ARL10: variants seen among roughly 807,000 people sequenced by gnomAD.
ARL10 encodes the protein ADP-ribosylation factor-like protein 10.
A neutral mutation model predicts 26.1 loss-of-function variants in ARL10; 23 were observed. That is an observed-to-expected ratio of 0.88 (90% CI 0.63 to 1.25). The LOEUF (loss-of-function observed/expected upper bound fraction) is 1.25. ARL10 is among the 50% of genes most tolerant of loss of function. ARL10 has a pLI of 0.00. For missense variants in ARL10, 300 were observed against 323.6 expected, an observed-to-expected ratio of 0.93 and a Z score of 0.56; for synonymous variants, 138 against 149.1, an observed-to-expected ratio of 0.93 and a Z score of 0.54.
downstream of ARL10, among the ~76,000 whole-genome samples, chr5:176,391,079 C>A (rs764454719): frequency 8.5e-5 from 13 of 152,162 alleles, no homozygotes; most frequent in Non-Finnish European, 1.6e-4. Context: ...AAGACACACC[C>A]CTTCTTGAAC....
chr5:176,388,792 G>C (rs1476852136), downstream of ARL10: 2 of 1,605,152 alleles, frequency 1.2e-6, no homozygotes, highest in Non-Finnish European at 1.7e-6. Context: ...TCGGAGTCCC[G>C]ATTTTCTCCT....
downstream of ARL10, chr5:176,384,021 C>G (rs1014924102): frequency 6.5e-7 from 1 of 1,539,080 alleles, no homozygotes; most frequent in East Asian, 2.4e-5. Context: ...CTGGCTTTTC[C>G]GTGAACCCCC....
chr5:176,388,937 G>T (rs1162590497), downstream of ARL10: 10 of 1,614,056 alleles, frequency 6.2e-6, no homozygotes, highest in African/African-American at 1.3e-5. Flanking sequence ...GGAAAAGTTC[G>T]TTCGCAAGAC....
chr5:176,399,595 T>C (rs1166097368), intron 1 of ARL10, among the ~76,000 whole-genome samples: 2 of 151,992 alleles, frequency 1.3e-5, no homozygotes, highest in Non-Finnish European at 2.9e-5. Flanking sequence ...AAAAGTTTTT[T>C]TAATTATGGA....
intron 1 of ARL10, chr5:176,398,062 C>T (rs761946990): frequency 5.6e-6 from 9 of 1,610,330 alleles, no homozygotes; most frequent in East Asian, 2.2e-5. Context: ...AACACAAACA[C>T]GCAGCAGTCT....
At chr5:176,396,128 TC>T (rs1443180161) in intron 1 of ARL10, among the ~76,000 whole-genome samples, 1 of 151,922 alleles carries the variant, frequency 6.6e-6, no homozygotes, top group South Asian at 2.1e-4. Context: ...AGAGCGAAAC[TC>T]CATCTCAAAA....
chr5:176,400,546 G>T (rs1487167114), intron 1 of ARL10, among the ~76,000 whole-genome samples: 1 of 152,152 alleles, frequency 6.6e-6, no homozygotes, highest in Non-Finnish European at 1.5e-5. Flanking sequence ...CAAGGGTGTG[G>T]CACCCTCTGG....
chr5:176,383,831 G>A (rs1430495420), downstream of ARL10: 1 of 705,516 alleles, frequency 1.4e-6, no homozygotes, highest in South Asian at 1.9e-5. Flanking sequence ...AAGAGCAAGT[G>A]AACGTAGCAC....
rs576167997 is a variant in ARL10, at chr5:176,380,249, T to C, written c.*8354T>C. 7 of 152,340 alleles carry C rather than the reference T, an allele frequency of 4.6e-5. No individual in the cohort carries two copies. Among genetic ancestry groups the C allele is most frequent in the African/African-American group, 1.7e-4 (7 of 41,574 alleles). 9.4% of individuals were successfully genotyped at this position (152,340 alleles called of 1,614,324 possible). ...TCATTTGCGTTTTGTAAAGAATCTT[T>C]TAGGCAATTTTAGATTTGTATAATC... On this transcript the variant is annotated 3_prime_UTR_variant, in exon 4 of 4. Coordinates refer to ENST00000310389, the MANE Select transcript of ARL10 (RefSeq NM_173664.6).
chr5:176,386,390 G>T (rs1182850663), downstream of ARL10: 1 of 221,214 alleles, frequency 4.5e-6, no homozygotes, highest in African/African-American at 2.3e-5. Context: ...GATGAATGAA[G>T]AATTCTAGAG....
intron 3 of ARL10, chr5:176,369,188 G>GA (rs1489402353): frequency 1.3e-6 from 2 of 1,527,448 alleles, no homozygotes; most frequent in African/African-American, 2.7e-5. Context: ...GGAGAGATGA[G>GA]AAAAATAATT....
downstream of ARL10, among the ~76,000 whole-genome samples, chr5:176,383,631 C>A (rs1755609130): frequency 6.6e-6 from 1 of 152,272 alleles, no homozygotes; most frequent in Admixed American, 6.5e-5. Context: ...TTACCCTCTG[C>A]CAGTCAAGCC....
chr5:176,370,884 T>G (rs1768507882), intron 3 of ARL10, among the ~76,000 whole-genome samples: 1 of 152,152 alleles, frequency 6.6e-6, no homozygotes. Context: ...CTGTATCATC[T>G]CTCCATGACT....
At chr5:176,387,450 G>A (rs1561783974) in intron 1 of ARL10, among the ~76,000 whole-genome samples, 1 of 152,206 alleles carries the variant, frequency 6.6e-6, no homozygotes, top group African/African-American at 2.4e-5. Flanking sequence ...AATGGGCTTC[G>A]CGAATGAATT....
chr5:176,406,698 TGGTGC>T, downstream of ARL10: 1 of 1,288,134 alleles, frequency 7.8e-7, no homozygotes. Flanking sequence ...GACCCGCTGG[TGGTGC>T]ACGGGCTGCA....
chr5:176,366,724 G>T lies in ARL10; in HGVS notation c.385+143G>T, dbSNP rs932854366. 104 of 1,031,948 alleles carry T rather than the reference G, an allele frequency of 1.0e-4. No homozygotes were observed. In the African/African-American group the frequency reaches 1.2e-3, roughly 12 times the overall value. 63.9% of individuals were successfully genotyped at this position (1,031,948 alleles called of 1,614,324 possible). On this transcript the variant is annotated intron_variant, in intron 2 of 3. Transcript: ENST00000310389. ...CTTCCCACCGCTCTCCGGGGCACAG[G>T]ATTCAGCCCACGCTCTGTGCTCTGA...
chr5:176,408,868 A>G, the ARL10 span, among the ~76,000 whole-genome samples: 1 of 152,238 alleles, frequency 6.6e-6, no homozygotes, highest in Non-Finnish European at 1.5e-5. Flanking sequence ...GAATTTGTAA[A>G]CAACCCAGTG....
Position 176,372,231 on chromosome 5 carries a change from C to T in ARL10, c.*336C>T, listed in dbSNP as rs1768569273. On this transcript the variant is annotated 3_prime_UTR_variant, in exon 4 of 4. Coordinates refer to ENST00000310389, the MANE Select transcript of ARL10 (RefSeq NM_173664.6). ...CAATCCTCCACTACAGGTCCCGGTA[C>T]CTGAGGAACCAGTGTAGGTGTCAGA... The T allele has an allele frequency of 2.5e-6, 1 of 405,988 alleles. No homozygotes were observed. Among genetic ancestry groups the T allele is most frequent in the Non-Finnish European group, 3.8e-6 (1 of 263,406 alleles). The allele number at this position is 405,988 out of a possible 1,614,324, so 25.1% of individuals were successfully genotyped here. A position where few individuals can be genotyped will look rare whatever the true frequency, so the allele number is the denominator to read the frequency against.
Position 176,375,134 on chromosome 5 carries a change from GTCCACCCA to G in ARL10, c.*3248_*3255del, listed in dbSNP as rs1768650531. Reference sequence around the variant, plus strand: ...CCTCCATCCGTCCACCCGTCCACCCGTCCACCCATCCACCCACCCACCCATCCATCCAC... The same window carrying G: ...CCTCCATCCGTCCACCCGTCCACCCGTCCACCCACCCACCCATCCATCCAC... On this transcript the variant is annotated 3_prime_UTR_variant, in exon 4 of 4. Coordinates refer to ENST00000310389, the MANE Select transcript of ARL10 (RefSeq NM_173664.6). 1 of 37,680 alleles carries G rather than the reference GTCCACCCA, an allele frequency of 2.7e-5. No homozygotes were observed. The highest frequency in any genetic ancestry group is 5.1e-5 in the Non-Finnish European group (1 of 19,442). 2.3% of individuals were successfully genotyped at this position (37,680 alleles called of 1,614,324 possible). A position where few individuals can be genotyped will look rare whatever the true frequency, so the allele number is the denominator to read the frequency against.
Sources: gnomAD v4.1 joint callset for allele counts (sites outside exome capture counted in the v4.1 genomes callset) on GRCh38, gnomAD v4.1.1 for gene constraint, MANE v1.5 for transcripts, NCBI Gene and HGNC (gene_info 2026-07-23, HGNC 2026-07-21) for gene names.